ADAMTSL2: variants seen among roughly 807,000 people sequenced by gnomAD.
The protein encoded by ADAMTSL2 is ADAMTS like 2.
In ADAMTSL2, 55 loss-of-function variants were observed where a neutral mutation model predicts 117.0. That is an observed-to-expected ratio of 0.47 (90% CI 0.38 to 0.59). ADAMTSL2 has a LOEUF of 0.59. ADAMTSL2 is among the 20% of genes least tolerant of loss of function. ADAMTSL2 has a pLI of 0.00. For synonymous variants in ADAMTSL2, 572 were observed against 566.4 expected (o/e 1.01, Z -0.14); for missense variants, 1,182 against 1,354.5 (o/e 0.87, Z 2.00).
chr9:133,568,261 C>A lies in ADAMTSL2; in HGVS notation c.1875-12C>A. ...GGGGGGGATCATTGAAGGCCATCCGCTCCCGGGGCAGGTGGGAGACGAGCA... is the reference window on the plus strand; with the variant it reads ...GGGGGGGATCATTGAAGGCCATCCGATCCCGGGGCAGGTGGGAGACGAGCA... On this transcript the variant is annotated splice_polypyrimidine_tract_variant and intron_variant, in intron 13 of 18. Coordinates refer to ENST00000651351, the MANE Select transcript of ADAMTSL2 (RefSeq NM_014694.4). The A allele has an allele frequency of 6.4e-7, 1 of 1,555,840 alleles. No individual in the cohort carries two copies. The highest frequency in any genetic ancestry group is 1.2e-5 in the South Asian group (1 of 84,694).
chr9:133,536,750 T>C lies in ADAMTSL2; in HGVS notation c.38T>C (p.Phe13Ser). Residue 13 changes from phenylalanine to serine, a missense_variant, in exon 2 of 19, where the codon TTC (phenylalanine) becomes TCC (serine). By Grantham distance (155) the Phe-to-Ser change is radical. Coordinates refer to ENST00000651351, the MANE Select transcript of ADAMTSL2 (RefSeq NM_014694.4). ...GRWQCSCWAW[F>S]LLVLAVVAGD... Reference sequence around the variant, plus strand: ...TGGCAATGTTCCTGCTGGGCCTGGTTCCTGCTGGTTCTGGCAGTTGTAGCT... The same window carrying C: ...TGGCAATGTTCCTGCTGGGCCTGGTCCCTGCTGGTTCTGGCAGTTGTAGCT... 1 of 1,614,222 alleles carries C rather than the reference T, an allele frequency of 6.2e-7. No individual in the cohort carries two copies. Among genetic ancestry groups the C allele is most frequent in the Non-Finnish European group, 8.5e-7 (1 of 1,180,030 alleles).
chr9:133,568,494 C>T lies in ADAMTSL2; in HGVS notation c.2088+8C>T, dbSNP rs2131180486. ...ATGTCGGAGTGGTCCGAGGTGAGTGCCTGCGGGAGCAAGCCGGGGGTCGGG... is the reference window on the plus strand; with the variant it reads ...ATGTCGGAGTGGTCCGAGGTGAGTGTCTGCGGGAGCAAGCCGGGGGTCGGG... On this transcript the variant is annotated splice_region_variant and intron_variant, in intron 14 of 18. Transcript: ENST00000651351. 6.3e-7 allele frequency: 1 copy of T among 1,595,924 alleles called. No homozygotes were observed. The highest frequency in any genetic ancestry group is 2.3e-5 in the East Asian group (1 of 44,112).
At chr9:133,561,177 C>T (rs1830719238) in intron 11 of ADAMTSL2, 21 bp from the exon 12 acceptor site, 1 of 1,586,360 alleles carries the variant, frequency 6.3e-7, no homozygotes, top group Non-Finnish European at 8.6e-7. Flanking sequence ...CATCACCTTC[C>T]CTGCTTGGTC....
At chr9:133,566,721 G>A (rs914163504) in intron 12 of ADAMTSL2, among the ~76,000 whole-genome samples, 1 of 151,856 alleles carries the variant, frequency 6.6e-6, no homozygotes, top group Admixed American at 6.5e-5. Context: ...GCTGGGTTGG[G>A]TGGGGCGGGG....
intron 10 of ADAMTSL2, among the ~76,000 whole-genome samples, chr9:133,555,261 T>C (rs1469537009): frequency 7.1e-6 from 1 of 141,338 alleles, no homozygotes; most frequent in East Asian, 2.3e-4. Context: ...ACAATGACCC[T>C]ATTTCCAAAG....
In ADAMTSL2 at chr9:133,539,753, T is replaced by C; in HGVS notation, c.310-18T>C. On this transcript the variant is annotated intron_variant, in intron 4 of 18. Transcript: ENST00000651351. Reference sequence around the variant, plus strand: ...GGCCGAGTTCCTCCCGGAGCCTCCCTGTCCCTTCGCTTCCCAGGAGTGTCC... The same window carrying C: ...GGCCGAGTTCCTCCCGGAGCCTCCCCGTCCCTTCGCTTCCCAGGAGTGTCC... The C allele has an allele frequency of 1.5e-6, 2 of 1,375,124 alleles. 1 individual carries two copies. Among genetic ancestry groups the C allele is most frequent in the South Asian group, 3.2e-5 (2 of 63,376 alleles). 85.2% of individuals were successfully genotyped at this position (1,375,124 alleles called of 1,614,324 possible).
chr9:133,543,335 G>T (rs1305100392), intron 7 of ADAMTSL2, among the ~76,000 whole-genome samples: 1 of 152,178 alleles, frequency 6.6e-6, no homozygotes, highest in Admixed American at 6.5e-5. Flanking sequence ...AGCTTCAGTC[G>T]CTTGCTTCAA....
At position 133,549,215 on chromosome 9, in the gene ADAMTSL2, G is replaced by A. The variant is rs1390657241; in HGVS notation, c.939+2002G>A. The stretch of plus-strand genomic sequence containing the variant: ...GAGACAGGGTTTCACCGTTTTAGCC[G>A]GGATGGTCTCGATCTCCTGACCTCG... On this transcript the variant is annotated intron_variant, in intron 9 of 18. Coordinates refer to ENST00000651351, the MANE Select transcript of ADAMTSL2 (RefSeq NM_014694.4). Among the ~76,000 whole-genome samples the A allele has an allele frequency of 6.6e-5, 4 of 60,436 alleles. 2 individuals are homozygous for A. The highest frequency in any genetic ancestry group is 2.2e-4 in the African/African-American group (4 of 17,872). 39.6% of individuals were successfully genotyped at this position (60,436 alleles called of 152,430 possible).
chr9:133,536,838 G>A, intron 2 of ADAMTSL2, 36 bp downstream of exon 2: 1 of 1,613,650 alleles, frequency 6.2e-7, no homozygotes, highest in East Asian at 2.2e-5. Context: ...GCCCATGCCA[G>A]TCCCCTACCC....
intron 16 of ADAMTSL2, 110 bp from the exon 17 acceptor site, chr9:133,570,221 C>T: frequency 8.0e-7 from 1 of 1,243,404 alleles, no homozygotes; most frequent in Non-Finnish European, 1.1e-6. Flanking sequence ...CTGGAGCATT[C>T]TCACCCAATT....
intron 12 of ADAMTSL2, among the ~76,000 whole-genome samples, chr9:133,563,878 AGAGAGAGG>A (rs1830820431): frequency 1.8e-5 from 1 of 54,122 alleles, no homozygotes; most frequent in Non-Finnish European, 3.9e-5. Context: ...AGAGAGAGAG[AGAGAGAGG>A]GAGAGAGAGA....
chr9:133,565,493 C>A (rs1830946686), intron 12 of ADAMTSL2, among the ~76,000 whole-genome samples: 1 of 152,210 alleles, frequency 6.6e-6, no homozygotes, highest in African/African-American at 2.4e-5. Context: ...GTCTCTGAGG[C>A]TTGGAACATT....
chr9:133,572,532 G>T (rs35075140), intron 17 of ADAMTSL2, among the ~76,000 whole-genome samples: 11,658 of 152,240 alleles, frequency 0.077, 562 homozygotes, highest in South Asian at 0.17. Context: ...TTTGGGAAGA[G>T]CACTAGCTTC....
chr9:133,551,922 T>G (rs9697182), intron 9 of ADAMTSL2, among the ~76,000 whole-genome samples: 1 of 150,772 alleles, frequency 6.6e-6, no homozygotes. Context: ...CTCCGCCTCC[T>G]AGGTTCAAAC....
At chr9:133,541,640 A>G (rs900792576) in intron 7 of ADAMTSL2, among the ~76,000 whole-genome samples, 9 of 152,180 alleles carry the variant, frequency 5.9e-5, no homozygotes, top group African/African-American at 2.2e-4. Flanking sequence ...CATTCTCTCC[A>G]CGGATATGAG....
intron 11 of ADAMTSL2, 43 bp downstream of exon 11, chr9:133,555,973 G>T: frequency 6.3e-7 from 1 of 1,598,556 alleles, no homozygotes; most frequent in Non-Finnish European, 8.5e-7. Context: ...CCCTCAGGGG[G>T]CAGGATGGGG....
At chr9:133,561,689 T>G (rs1830732609) in intron 12 of ADAMTSL2, among the ~76,000 whole-genome samples, 1 of 152,216 alleles carries the variant, frequency 6.6e-6, no homozygotes, top group Non-Finnish European at 1.5e-5. Context: ...TAGGCCCCTG[T>G]GATCTGTGAC....
Position 133,569,404 on chromosome 9 carries a change from G to A in ADAMTSL2, c.2245-4G>A. The stretch of plus-strand genomic sequence containing the variant: ...ATGTCCCCTGCCTGTCCTCTCCCCT[G>A]CAGTGCAGTGGAAGCTGCGGGCAAG... On this transcript the variant is annotated splice_region_variant and splice_polypyrimidine_tract_variant and intron_variant, in intron 15 of 18. Transcript: ENST00000651351. The A allele has an allele frequency of 6.2e-7, 1 of 1,613,280 alleles. No individual in the cohort carries two copies. The highest frequency in any genetic ancestry group is 8.5e-7 in the Non-Finnish European group (1 of 1,179,968).
intron 10 of ADAMTSL2, among the ~76,000 whole-genome samples, chr9:133,555,346 TTGAATTCCCA>T (rs2131140563): frequency 6.6e-6 from 1 of 152,020 alleles, no homozygotes; most frequent in East Asian, 1.9e-4. Flanking sequence ...CAGAAGTCGA[TTGAATTCCCA>T]TCAGCAAGAG....
Sources: gnomAD v4.1 joint callset for allele counts (sites outside exome capture counted in the v4.1 genomes callset) on GRCh38, gnomAD v4.1.1 for gene constraint, MANE v1.5 for transcripts, NCBI Gene and HGNC (gene_info 2026-07-23, HGNC 2026-07-21) for gene names.